The following SIM1 variants were observed in gnomAD, a reference collection of about 807,000 sequenced individuals.
SIM1 encodes single-minded homolog 1.
Under a neutral mutation model 78.2 loss-of-function variants are expected in SIM1, and 18 were observed. The observed-to-expected ratio is 0.23, with a 90% CI of 0.16 to 0.34. The LOEUF is 0.34. Among genes scored for constraint, SIM1 ranks in the 10% least tolerant of loss-of-function variants. The probability of loss-of-function intolerance (pLI) is 1.00; values close to 1 mark genes in which losing one functional copy is unlikely to be tolerated. For synonymous variants in SIM1, 417 were observed against 385.2 expected, an observed-to-expected ratio of 1.08 and a Z score of -0.97; for missense variants, 939 against 975.1, an observed-to-expected ratio of 0.96 and a Z score of 0.49.
At chr6:100,400,489 C>T (rs1770887214) in intron 10 of SIM1, among the ~76,000 whole-genome samples, 1 of 151,760 alleles carries the variant, frequency 6.6e-6, no homozygotes, top group South Asian at 2.1e-4. Context: ...TTTAAATAAT[C>T]CTTGGGGAAA....
chr6:100,398,841 C>T (rs72937804), intron 10 of SIM1, among the ~76,000 whole-genome samples: 8,997 of 151,974 alleles, frequency 0.059, 323 homozygotes, highest in Non-Finnish European at 0.071. Context: ...GAGGACCTGC[C>T]GTGCTGTTTT....
rs765605778 is a variant in SIM1 at position 100,449,688 on chromosome 6, G to A, written c.360C>T (p.Thr120=). The A allele has an allele frequency of 3.1e-6, 5 of 1,613,680 alleles. No homozygotes were observed. The highest frequency in any genetic ancestry group is 2.7e-5 in the African/African-American group (2 of 75,018). Residue 120 remains threonine, a synonymous_variant, in exon 5 of 12, where the codon ACC becomes ACT. Transcript: ENST00000369208. ...VHLGLSQVEL[T]GNSIYEYIHP... ...GAATGTATTCATAAATGCTGTTTCC[G>A]GTCAGCTCTACCTGTAAAGAGGAGG...
intron 9 of SIM1, among the ~76,000 whole-genome samples, chr6:100,432,520 A>T (rs1771929952): frequency 6.6e-6 from 1 of 152,020 alleles, no homozygotes; most frequent in African/African-American, 2.4e-5. Context: ...TCCAAGGACA[A>T]AATTCAAGCT....
At chr6:100,403,664 T>C (rs1770984421) in intron 10 of SIM1, among the ~76,000 whole-genome samples, 1 of 152,204 alleles carries the variant, frequency 6.6e-6, no homozygotes, top group Non-Finnish European at 1.5e-5. Context: ...CTGTTTCCCT[T>C]AGTAAATAAG....
In SIM1 at chr6:100,456,607, CAG is replaced by C. The variant is rs575948131; in HGVS notation, c.176-2765_176-2764del. On this transcript the variant is annotated intron_variant, in intron 2 of 11. Transcript: ENST00000369208. Reference sequence around the variant, plus strand: ...TAAAGTGGCCGAAGACAAAGGAAAACAGAATCTATTTTGGAAGATTTCCAAGA... The same window carrying C: ...TAAAGTGGCCGAAGACAAAGGAAAACAATCTATTTTGGAAGATTTCCAAGA... Among the ~76,000 whole-genome samples, 24 of 152,326 alleles carry C rather than the reference CAG, an allele frequency of 1.6e-4. 1 individual carries two copies. The East Asian group carries it at 4.4e-3, about 28-fold the overall frequency.
intron 10 of SIM1, among the ~76,000 whole-genome samples, chr6:100,398,816 T>C (rs1320944141): frequency 1.3e-5 from 2 of 152,144 alleles, no homozygotes; most frequent in Non-Finnish European, 2.9e-5. Flanking sequence ...ATGATAATTC[T>C]ATTTTGAATT....
chr6:100,453,665 T>G (rs756399633), intron 3 of SIM1, 97 bp downstream of exon 3: 4 of 931,118 alleles, frequency 4.3e-6, no homozygotes, highest in Admixed American at 5.1e-5. Context: ...GTTTGTTTTT[T>G]TTTTGTTTTT....
intron 9 of SIM1, among the ~76,000 whole-genome samples, chr6:100,439,775 C>T (rs904269806): frequency 6.6e-6 from 1 of 152,080 alleles, no homozygotes; most frequent in African/African-American, 2.4e-5. Flanking sequence ...CTCTTTTTCC[C>T]CAAGAAACTA....
chr6:100,457,712 G>T (rs986782862), intron 2 of SIM1, among the ~76,000 whole-genome samples: 2 of 152,214 alleles, frequency 1.3e-5, no homozygotes, highest in Admixed American at 6.5e-5. Context: ...GTCCCTTCAC[G>T]CACCAAGGCG....
chr6:100,437,154 A>G (rs1772076860), intron 9 of SIM1: 1 of 152,224 alleles, frequency 6.6e-6, no homozygotes, highest in African/African-American at 2.4e-5. Flanking sequence ...TCTAGAGCCC[A>G]ACTTCTTAAC....
chr6:100,395,505 T>C (rs1770745565), intron 10 of SIM1, among the ~76,000 whole-genome samples: 1 of 152,150 alleles, frequency 6.6e-6, no homozygotes, highest in Admixed American at 6.5e-5. Context: ...GATCCAATAT[T>C]AGGGAGATTT....
At position 100,389,046 on chromosome 6, in the gene SIM1, G is replaced by A. The variant is rs1471850118; in HGVS notation, c.*1315C>T. 6.6e-6 allele frequency: 1 copy of A among 152,124 alleles called. No individual in the cohort carries two copies. The highest frequency in any genetic ancestry group is 1.5e-5 in the Non-Finnish European group (1 of 68,040). The allele number at this position is 152,124 out of a possible 1,614,324, so 9.4% of individuals were successfully genotyped here. A position where few individuals can be genotyped will look rare whatever the true frequency, so the allele number is the denominator to read the frequency against. ...CTCTATCACAGAACATGAACGCTGG[G>A]GCTGCCTTACAAACCAGGAAACTAG... On this transcript the variant is annotated 3_prime_UTR_variant, in exon 12 of 12. Coordinates refer to ENST00000369208, the MANE Select transcript of SIM1 (RefSeq NM_005068.3).
At chr6:100,461,205 G>A (rs992728812) in intron 2 of SIM1, among the ~76,000 whole-genome samples, 5 of 152,178 alleles carry the variant, frequency 3.3e-5, no homozygotes, top group Non-Finnish European at 7.4e-5. Flanking sequence ...ATAACGAGAG[G>A]TTGGCTGTAA....
In SIM1 at chr6:100,390,589, G is replaced by A. The variant is rs765093836; in HGVS notation, c.2073C>T (p.His691=). Residue 691 remains histidine, a synonymous_variant, in exon 12 of 12, where the codon CAC becomes CAT. Transcript: ENST00000369208. The stretch of plus-strand genomic sequence containing the variant: ...CAAAGCAGTTTGGAGAGACAGTAGG[G>A]TGGTCTCCTGCTGTCTGATGAGGAG... ...DISPHQTAGD[H]PTVSPNCFGS... 2 of 1,614,020 alleles carry A rather than the reference G, an allele frequency of 1.2e-6. No homozygotes were observed. The highest frequency in any genetic ancestry group is 1.7e-6 in the Non-Finnish European group (2 of 1,180,006).
At chr6:100,446,672 T>C (rs1772363528) in intron 9 of SIM1, among the ~76,000 whole-genome samples, 1 of 152,142 alleles carries the variant, frequency 6.6e-6, no homozygotes. Flanking sequence ...CGCTCCTCAC[T>C]CAGTGAAGCA....
At chr6:100,437,563 G>A (rs1772087970) in intron 9 of SIM1, 1 of 148,838 alleles carries the variant, frequency 6.7e-6, no homozygotes, top group African/African-American at 2.5e-5. Context: ...GGTGTTGTAT[G>A]TCTAGATGCT....
rs779153540 is a variant in SIM1 at position 100,390,826 on chromosome 6, G to C, written c.1836C>G (p.Pro612=). The change falls in exon 12 of 12, where the codon CCC becomes CCG. Residue 612 remains proline (P), a synonymous_variant. Coordinates refer to ENST00000369208, the MANE Select transcript of SIM1 (RefSeq NM_005068.3). The part of the protein sequence containing the change: ...HSLCFANYQQ[P]PPTGEVCHGS... ...CATGGCAGACTTCACCTGTTGGTGGGGGCTGTTGGTAGTTTGCAAAACACA... is the reference window on the plus strand; with the variant it reads ...CATGGCAGACTTCACCTGTTGGTGGCGGCTGTTGGTAGTTTGCAAAACACA... 1 of 1,614,168 alleles carries C rather than the reference G, an allele frequency of 6.2e-7. No individual in the cohort carries two copies. The highest frequency in any genetic ancestry group is 1.7e-5 in the Admixed American group (1 of 60,024).
At chr6:100,394,266 A>G (rs921158487) in intron 10 of SIM1, among the ~76,000 whole-genome samples, 1 of 151,924 alleles carries the variant, frequency 6.6e-6, no homozygotes, top group Admixed American at 6.6e-5. Flanking sequence ...GCTAACGCTC[A>G]GAGAGAGAAA....
chr6:100,455,909 C>A (rs759298501), intron 2 of SIM1, among the ~76,000 whole-genome samples: 3 of 152,182 alleles, frequency 2.0e-5, no homozygotes, highest in Admixed American at 6.5e-5. Flanking sequence ...GAACTCCCGG[C>A]GCCAGCCTAG....
Sources: gnomAD v4.1 joint callset for allele counts (sites outside exome capture counted in the v4.1 genomes callset) on GRCh38, gnomAD v4.1.1 for gene constraint, MANE v1.5 for transcripts, NCBI Gene and HGNC (gene_info 2026-07-23, HGNC 2026-07-21) for gene names.